Variants in TCF12 observed in about 807,000 individuals in gnomAD.
The protein encoded by TCF12 is DNA-binding protein HTF4.
A neutral mutation model predicts 86.0 loss-of-function variants in TCF12; 45 were observed. The observed-to-expected ratio is 0.52, with a 90% confidence interval of 0.41 to 0.67. The LOEUF (loss-of-function observed/expected upper bound fraction) is 0.67. Among genes scored for constraint, TCF12 ranks in the 30% least tolerant of loss-of-function variants. The probability of loss-of-function intolerance (pLI) is 0.00; values close to 1 mark genes in which losing one functional copy is unlikely to be tolerated. For synonymous variants in TCF12, 330 were observed against 299.6 expected, an observed-to-expected ratio of 1.10 and a Z score of -1.05; for missense variants, 881 against 859.9, an observed-to-expected ratio of 1.02 and a Z score of -0.31.
chr15:57,152,825 G>T (rs2053856965), intron 5 of TCF12, among the ~76,000 whole-genome samples: 1 of 151,750 alleles, frequency 6.6e-6, no homozygotes, highest in Non-Finnish European at 1.5e-5. Flanking sequence ...AACCATAGAT[G>T]CAAGACTTAA....
chr15:57,229,845 G>A (rs1165692560), intron 8 of TCF12, among the ~76,000 whole-genome samples: 2 of 151,778 alleles, frequency 1.3e-5, no homozygotes, highest in African/African-American at 4.8e-5. Context: ...ATTGAATCTT[G>A]GGAAGATTAG....
At chr15:57,139,256 C>T (rs1390426880) in intron 5 of TCF12, among the ~76,000 whole-genome samples, 5 of 152,126 alleles carry the variant, frequency 3.3e-5, no homozygotes, top group Non-Finnish European at 7.4e-5. Context: ...TCTAAAATTT[C>T]TTACTCATGT....
intron 13 of TCF12, among the ~76,000 whole-genome samples, chr15:57,243,795 A>G (rs921931619): frequency 1.3e-5 from 2 of 152,220 alleles, no homozygotes; most frequent in African/African-American, 4.8e-5. Context: ...ATTTCTAAGA[A>G]CAGTAGTTAC....
intron 3 of TCF12, among the ~76,000 whole-genome samples, chr15:57,038,166 G>A (rs868678149): frequency 2.0e-5 from 3 of 152,090 alleles, no homozygotes; most frequent in African/African-American, 2.4e-5. Context: ...TGGGGCAGGC[G>A]TGGCGGCTCA....
chr15:57,086,286 T>C (rs888689900), intron 4 of TCF12, among the ~76,000 whole-genome samples: 9 of 151,008 alleles, frequency 6.0e-5, no homozygotes, highest in African/African-American at 1.5e-4. Flanking sequence ...GCCAGGAACT[T>C]TTCCAAGTGC....
intron 3 of TCF12, among the ~76,000 whole-genome samples, chr15:56,995,754 C>G (rs2141003605): frequency 6.6e-6 from 1 of 152,154 alleles, no homozygotes; most frequent in Non-Finnish European, 1.5e-5. Context: ...GAGAGCTCAT[C>G]TTCTTTTCCT....
At chr15:57,021,150 A>C (rs1252690776) in intron 3 of TCF12, among the ~76,000 whole-genome samples, 1 of 152,214 alleles carries the variant, frequency 6.6e-6, no homozygotes, top group Non-Finnish European at 1.5e-5. Context: ...AGTTAAAAAG[A>C]AGTTTAACTT....
At chr15:56,951,730 G>T (rs566660799) in intron 3 of TCF12, among the ~76,000 whole-genome samples, 1 of 152,214 alleles carries the variant, frequency 6.6e-6, no homozygotes, top group South Asian at 2.1e-4. Flanking sequence ...TCTCACTGCA[G>T]CCTCGACCAT....
chr15:57,122,836 A>G (rs576248434), intron 5 of TCF12, among the ~76,000 whole-genome samples: 1 of 152,360 alleles, frequency 6.6e-6, no homozygotes, highest in East Asian at 1.9e-4. Flanking sequence ...TGAGGCTCAT[A>G]AATTAGGATG....
At chr15:57,203,285 G>A (rs2057646097) in intron 8 of TCF12, among the ~76,000 whole-genome samples, 3 of 151,816 alleles carry the variant, frequency 2.0e-5, no homozygotes, top group Non-Finnish European at 2.9e-5. Context: ...TAAATCACTC[G>A]TTGAACATCT....
intron 5 of TCF12, among the ~76,000 whole-genome samples, chr15:57,139,963 C>T (rs1231529318): frequency 1.3e-5 from 2 of 152,110 alleles, no homozygotes; most frequent in Non-Finnish European, 2.9e-5. Flanking sequence ...CCACAGAAAT[C>T]GGACAGGCAC....
chr15:57,106,323 C>T (rs559104222), intron 5 of TCF12, among the ~76,000 whole-genome samples: 385 of 31,756 alleles, frequency 0.012, no homozygotes, highest in Non-Finnish European at 0.032. Context: ...AGCGTGGTTA[C>T]GTAAGATGGT....
chr15:57,241,096 T>C (rs1185877352), intron 12 of TCF12, among the ~76,000 whole-genome samples: 3 of 148,806 alleles, frequency 2.0e-5, no homozygotes, highest in Non-Finnish European at 4.4e-5. Flanking sequence ...ACCAATAATA[T>C]TGATTTTTTT....
rs144034033 is a variant in TCF12, at chr15:57,202,805, T to C, written c.579+4980T>C. Among the ~76,000 whole-genome samples, 204 of 152,270 alleles carry C rather than the reference T, an allele frequency of 1.3e-3. 1 individual carries two copies. Among genetic ancestry groups the C allele is most frequent in the African/African-American group, 4.8e-3 (198 of 41,566 alleles). Reference sequence around the variant, plus strand: ...GTTCTCGGAACCTCCAGTTTCTATTTGTAAAAGGGGATGATAATGCCTATC... The same window carrying C: ...GTTCTCGGAACCTCCAGTTTCTATTCGTAAAAGGGGATGATAATGCCTATC... On this transcript the variant is annotated intron_variant, in intron 8 of 20. Coordinates refer to ENST00000333725, the MANE Select transcript of TCF12 (RefSeq NM_207037.2).
chr15:57,202,693 C>T (rs2057609396), intron 8 of TCF12, among the ~76,000 whole-genome samples: 1 of 152,022 alleles, frequency 6.6e-6, no homozygotes, highest in African/African-American at 2.4e-5. Context: ...CCTCAGCCTC[C>T]CGAAGTGCTG....
At chr15:57,270,635 A>G (rs973282811) in intron 18 of TCF12, among the ~76,000 whole-genome samples, 2 of 152,020 alleles carry the variant, frequency 1.3e-5, no homozygotes, top group Non-Finnish European at 2.9e-5. Flanking sequence ...TTTGGAGGAG[A>G]AGAGGCGTTC....
chr15:56,953,340 T>A (rs558083738), intron 3 of TCF12, among the ~76,000 whole-genome samples: 1 of 152,220 alleles, frequency 6.6e-6, no homozygotes, highest in South Asian at 2.1e-4. Flanking sequence ...GACATCAGTG[T>A]AATGCTGGAT....
intron 3 of TCF12, among the ~76,000 whole-genome samples, chr15:56,981,405 G>A (rs1471224361): frequency 6.6e-6 from 1 of 152,204 alleles, no homozygotes; most frequent in Admixed American, 6.5e-5. Context: ...TGGAAGAGCA[G>A]AAGCAAGAGA....
intron 18 of TCF12, among the ~76,000 whole-genome samples, chr15:57,267,334 T>C (rs1180135236): frequency 1.3e-5 from 2 of 152,328 alleles, no homozygotes; most frequent in African/African-American, 4.8e-5. Context: ...GATCTTAATA[T>C]TATTACTTTA....
Sources: allele counts gnomAD v4.1 joint callset (sites outside exome capture counted in the v4.1 genomes callset), GRCh38; gene constraint gnomAD v4.1.1; transcripts MANE v1.5; gene names NCBI Gene and HGNC (gene_info 2026-07-23, HGNC 2026-07-21).